SLFN13: variants seen among roughly 807,000 people sequenced by gnomAD.
The protein encoded by SLFN13 is schlafen family member 13.
Under a neutral mutation model 50.6 loss-of-function variants are expected in SLFN13, and 43 were observed. The ratio of observed to expected loss-of-function variants is 0.85; its 90% CI spans 0.67 to 1.09. SLFN13 has a LOEUF of 1.09. SLFN13 is among the 50% of genes least tolerant of loss of function. The pLI, the probability that SLFN13 is intolerant of heterozygous loss-of-function variation, is 0.00. For synonymous variants in SLFN13, 339 were observed against 386.5 expected (o/e 0.88, Z 1.44); for missense variants, 881 against 1,071.1 (o/e 0.82, Z 2.48).
In SLFN13 at chr17:35,442,247, C is replaced by A; in HGVS notation, c.1238G>T (p.Trp413Leu). 6.2e-7 allele frequency: 1 copy of A among 1,609,424 alleles called. No individual in the cohort carries two copies. Among genetic ancestry groups the A allele is most frequent in the Non-Finnish European group, 8.5e-7 (1 of 1,177,384 alleles). The change falls in exon 5 of 6, where the codon TGG (tryptophan) becomes TTG (leucine). Residue 413 changes from tryptophan (W) to leucine (L), a missense_variant. Physicochemically the swap from Trp to Leu is moderately conservative, Grantham distance 61. This residue lies in a region of SLFN13 where 497 missense variants were observed against 518.3 expected (regional missense o/e 0.96). Transcript: ENST00000285013. ...TTCATGCTGTAAAGACAGCTCCTTC[C>A]AGAGGGACTCTGGAGTACATTCCAA... ...GHLECTPESL[W>L]KELSLQHEGL...
rs779930587 is a variant in SLFN13, at chr17:35,445,047, T to C, written c.634A>G (p.Ile212Val). The C allele has an allele frequency of 3.1e-6, 5 of 1,614,014 alleles. No individual in the cohort carries two copies. Among genetic ancestry groups the C allele is most frequent in the Non-Finnish European group, 4.2e-6 (5 of 1,180,044 alleles). ...TTTGTAGAGAACTGTTTAAACTCTA[T>C]GGATGGAGACTCAGGAAAAGATAGG... ...EILSFPESPS[I>V]EFKQFSTKHI... Residue 212 changes from isoleucine (I) to valine (V), a missense_variant, in exon 3 of 6, where the codon ATA becomes GTA. Around this residue, in one of 5 missense-constraint regions of SLFN13, gnomAD observed 497 missense variants for 518.3 expected, o/e 0.96. Coordinates refer to ENST00000285013, the MANE Select transcript of SLFN13 (RefSeq NM_144682.6).
At chr17:35,441,491 A>T in intron 5 of SLFN13, 72 bp downstream of exon 5, 1 of 1,604,730 alleles carries the variant, frequency 6.2e-7, no homozygotes, top group Non-Finnish European at 8.5e-7. Context: ...TTCTCAAGGA[A>T]GAAGGTGACT....
In SLFN13 at chr17:35,444,786, C is replaced by T. The variant is rs779976969; in HGVS notation, c.895G>A (p.Val299Ile). Residue 299 changes from valine to isoleucine, a missense_variant, in exon 3 of 6, where the codon GTA becomes ATA. Physicochemically the swap from Val to Ile is conservative, Grantham distance 29. Transcript: ENST00000285013. ...AACTCTTTCCCACAAAACACTTCTA[C>T]GATTTTGGTGCTGTACTCTACCCGA... ...KPRVEYSTKIVEVFCGKELYG... is the reference protein window; with the variant it reads ...KPRVEYSTKIIEVFCGKELYG... 19 of 1,614,080 alleles carry T rather than the reference C, an allele frequency of 1.2e-5. No homozygotes were observed. Among genetic ancestry groups the T allele is most frequent in the African/African-American group, 5.3e-5 (4 of 74,924 alleles).
rs1912680986 is a variant in SLFN13, at chr17:35,437,726, G to A, written c.*2869C>T. The A allele has an allele frequency of 6.6e-6, 1 of 151,964 alleles. No homozygotes were observed. Among genetic ancestry groups the A allele is most frequent in the African/African-American group, 2.4e-5 (1 of 41,380 alleles). 9.4% of individuals were successfully genotyped at this position (151,964 alleles called of 1,614,324 possible). On this transcript the variant is annotated 3_prime_UTR_variant, in exon 6 of 6. Transcript: ENST00000285013. ...CAGAAATCTTAAAGGAAATAAGCTAGGTTTAAAAAAATTTTAAAAAGGAGG... is the reference window on the plus strand; with the variant it reads ...CAGAAATCTTAAAGGAAATAAGCTAAGTTTAAAAAAATTTTAAAAAGGAGG...
In SLFN13 at chr17:35,439,803, C is replaced by T. The variant is rs1195718915; in HGVS notation, c.*792G>A. The T allele has an allele frequency of 6.6e-6, 1 of 152,044 alleles. No homozygotes were observed. Among genetic ancestry groups the T allele is most frequent in the Non-Finnish European group, 1.5e-5 (1 of 68,012 alleles). 9.4% of individuals were successfully genotyped at this position (152,044 alleles called of 1,614,324 possible). On this transcript the variant is annotated 3_prime_UTR_variant, in exon 6 of 6. Coordinates refer to ENST00000285013, the MANE Select transcript of SLFN13 (RefSeq NM_144682.6). ...ACGCTCATTGATTTTTAAAGAAAATCTTTCCCAAGTTTGTTCACCGTACAT... is the reference window on the plus strand; with the variant it reads ...ACGCTCATTGATTTTTAAAGAAAATTTTTCCCAAGTTTGTTCACCGTACAT...
At position 35,440,669 on chromosome 17, in the gene SLFN13, C is replaced by T. The variant is rs775514368; in HGVS notation, c.2620G>A (p.Asp874Asn). Residue 874 changes from aspartate (D) to asparagine (N), a missense_variant, in exon 6 of 6, where the codon GAC becomes AAC. By Grantham distance (23) the Asp-to-Asn change is conservative (BLOSUM62 1). Coordinates refer to ENST00000285013, the MANE Select transcript of SLFN13 (RefSeq NM_144682.6). ...AGAATATTGGGTAAGATAGCTGGGT[C>T]AGCTGTCCTTGGATGGATCCCAAAC... ...IVFGIHPRTADPAILPNILIC... is the reference protein window; with the variant it reads ...IVFGIHPRTANPAILPNILIC... 1.9e-6 allele frequency: 3 copies of T among 1,614,000 alleles called. No individual in the cohort carries two copies. In the Admixed American group the frequency reaches 5.0e-5, roughly 27 times the overall value.
rs1567864370 is a variant in SLFN13 at position 35,445,260 on chromosome 17, A to G, written c.421T>C (p.Ser141Pro). ...SSSLYCRSGT[S>P]VLHMNSRQAF... ...TGTCTTGAATTCATGTGAAGCACAG[A>G]GGTGCCAGATCTACAGTATAATGAA... The change falls in exon 3 of 6, where the codon TCT becomes CCT. Residue 141 changes from serine to proline, a missense_variant. Coordinates refer to ENST00000285013, the MANE Select transcript of SLFN13 (RefSeq NM_144682.6). 1.2e-6 allele frequency: 2 copies of G among 1,614,072 alleles called. No homozygotes were observed. The highest frequency in any genetic ancestry group is 1.7e-6 in the Non-Finnish European group (2 of 1,180,030).
Position 35,444,765 on chromosome 17 carries a change from C to T in SLFN13, c.916G>A (p.Glu306Lys). ...ATCACACAGAGATAGCCATACAACT[C>T]TTTCCCACAAAACACTTCTACGATT... ...TKIVEVFCGK[E>K]LYGYLCVIKV... The change falls in exon 3 of 6, where the codon GAG becomes AAG. Residue 306 changes from glutamate to lysine, a missense_variant. By Grantham distance (56) the Glu-to-Lys change is moderately conservative. Transcript: ENST00000285013. 6.2e-7 allele frequency: 1 copy of T among 1,614,212 alleles called. No individual in the cohort carries two copies. The highest frequency in any genetic ancestry group is 1.3e-5 in the African/African-American group (1 of 75,044).
At chr17:35,447,247 G>A (rs565224331) in intron 2 of SLFN13, 21 bp downstream of exon 2, 1 of 152,180 alleles carries the variant, frequency 6.6e-6, no homozygotes, top group African/African-American at 2.4e-5. Context: ...GAATTCAGGT[G>A]AAAAAAATCA....
chr17:35,441,571 G>C lies in SLFN13; in HGVS notation c.1914C>G (p.Asn638Lys). 6.2e-7 allele frequency: 1 copy of C among 1,607,998 alleles called. No homozygotes were observed. The highest frequency in any genetic ancestry group is 8.5e-7 in the Non-Finnish European group (1 of 1,178,764). Residue 638 changes from asparagine to lysine, a missense_variant, in exon 5 of 6, where the codon AAC becomes AAG. Transcript: ENST00000285013. ...LYVCENQPLR[N>K]FISDRNICRA... Reference sequence around the variant, plus strand: ...AAGATCCAACTGCTTACCTGATAAAGTTCCTCAGAGGCTGGTTTTCACAAA... The same window carrying C: ...AAGATCCAACTGCTTACCTGATAAACTTCCTCAGAGGCTGGTTTTCACAAA...
intron 1 of SLFN13, among the ~76,000 whole-genome samples, chr17:35,447,867 GTTGTT>G (rs71152714): frequency 0.43 from 64,457 of 150,136 alleles, 14,746 homozygotes; most frequent in African/African-American, 0.61. Context: ...ATTCTGTTTT[GTTGTT>G]TTGTTTTGTT....
Position 35,440,545 on chromosome 17 carries a change from C to T in SLFN13, c.*50G>A. 1 of 1,587,590 alleles carries T rather than the reference C, an allele frequency of 6.3e-7. No individual in the cohort carries two copies. Among genetic ancestry groups the T allele is most frequent in the Non-Finnish European group, 8.6e-7 (1 of 1,160,928 alleles). ...TTTCTACCATCAGCAGACTGTCACC[C>T]ATAGACATTTACACAGTATTTTGGT... is the stretch of plus-strand genomic sequence containing the variant. On this transcript the variant is annotated 3_prime_UTR_variant, in exon 6 of 6. Transcript: ENST00000285013.
chr17:35,444,139 T>A (rs766330173), intron 3 of SLFN13, among the ~76,000 whole-genome samples: 3 of 152,206 alleles, frequency 2.0e-5, no homozygotes, highest in Non-Finnish European at 2.9e-5. Flanking sequence ...TGCAATATAA[T>A]GCCCCCTCTT....
chr17:35,442,030 G>A lies in SLFN13; in HGVS notation c.1455C>T (p.Asp485=). The change falls in exon 5 of 6, where the codon GAC becomes GAT. Residue 485 remains aspartate (D), a synonymous_variant. Coordinates refer to ENST00000285013, the MANE Select transcript of SLFN13 (RefSeq NM_144682.6). ...ILREQDAEGQ[D]YCTRTAFTLK... Reference sequence around the variant, plus strand: ...AAGTAAAGGCGGTGCGAGTGCAGTAGTCCTGGCCCTCTGCATCCTGCTCCC... The same window carrying A: ...AAGTAAAGGCGGTGCGAGTGCAGTAATCCTGGCCCTCTGCATCCTGCTCCC... The A allele has an allele frequency of 6.2e-7, 1 of 1,614,164 alleles. No individual in the cohort carries two copies. Among genetic ancestry groups the A allele is most frequent in the Non-Finnish European group, 8.5e-7 (1 of 1,180,062 alleles).
intron 3 of SLFN13, among the ~76,000 whole-genome samples, 174 bp downstream of exon 3, chr17:35,444,441 A>T (rs1302196461): frequency 6.6e-6 from 1 of 152,222 alleles, no homozygotes; most frequent in Non-Finnish European, 1.5e-5. Context: ...TTCACAAAAT[A>T]TCTCATTTTG....
At chr17:35,448,908 T>C (rs886229672), upstream of SLFN13, 6 of 152,420 alleles carry the variant, frequency 3.9e-5, no homozygotes, top group African/African-American at 1.4e-4. Flanking sequence ...CGGGAACACT[T>C]TGCCACGCTG....
Position 35,445,591 on chromosome 17 carries a change from G to A in SLFN13, c.90C>T (p.Asn30=), listed in dbSNP as rs779223497. Residue 30 remains asparagine, a synonymous_variant, in exon 3 of 6, where the codon AAC becomes AAT. Coordinates refer to ENST00000285013, the MANE Select transcript of SLFN13 (RefSeq NM_144682.6). ...DVGEVTLGEE[N]RKKLQKTQRD... ...TCTGAGTTTTCTGTAGCTTTTTTCT[G>A]TTTTCTTCTCCCAGAGTCACTTCTC... is the stretch of plus-strand genomic sequence containing the variant. 3.1e-6 allele frequency: 5 copies of A among 1,613,888 alleles called. No homozygotes were observed. The highest frequency in any genetic ancestry group is 1.7e-5 in the Admixed American group (1 of 59,980).
chr17:35,443,930 A>T lies in SLFN13; in HGVS notation c.1067-10T>A, dbSNP rs1176025522. The stretch of plus-strand genomic sequence containing the variant: ...AAGTCTGGAGGAAACTCTGAAAGAA[A>T]GAACATTTTAATTTACACTATATGA... On this transcript the variant is annotated splice_polypyrimidine_tract_variant and intron_variant, in intron 3 of 5. Coordinates refer to ENST00000285013, the MANE Select transcript of SLFN13 (RefSeq NM_144682.6). 6.2e-7 allele frequency: 1 copy of T among 1,611,846 alleles called. No individual in the cohort carries two copies. Among genetic ancestry groups the T allele is most frequent in the South Asian group, 1.1e-5 (1 of 90,894 alleles).
Position 35,444,632 on chromosome 17 carries a change from A to G in SLFN13, c.1049T>C (p.Met350Thr). 1 of 1,613,866 alleles carries G rather than the reference A, an allele frequency of 6.2e-7. No homozygotes were observed. Among genetic ancestry groups the G allele is most frequent in the Non-Finnish European group, 8.5e-7 (1 of 1,179,806 alleles). ...CCTCTTACCTGGATCTGCGTCCATC[A>G]TTTTCTCTACCCATTCCTCAGTTGT... Reference protein sequence around the residue: ...PLTTEEWVEKMMDADPEFPPD... With the variant: ...PLTTEEWVEKTMDADPEFPPD... Residue 350 changes from methionine (M) to threonine (T), a missense_variant, in exon 3 of 6, where the codon ATG becomes ACG. Physicochemically the swap from Met to Thr is moderately conservative, Grantham distance 81 (BLOSUM62 -1). Coordinates refer to ENST00000285013, the MANE Select transcript of SLFN13 (RefSeq NM_144682.6).
Sources: allele counts gnomAD v4.1 joint callset (sites outside exome capture counted in the v4.1 genomes callset), GRCh38; gene constraint gnomAD v4.1.1; regional missense constraint gnomAD v4.1.1; transcripts MANE v1.5; gene names NCBI Gene and HGNC (gene_info 2026-07-23, HGNC 2026-07-21).